Variants in RTTN observed in about 807,000 individuals in gnomAD.
RTTN encodes the protein rotatin.
RTTN carries 182 observed loss-of-function variants against 269.2 expected under a neutral mutation model. That is an observed-to-expected ratio of 0.68 (90% CI 0.60 to 0.76). RTTN has a LOEUF of 0.76. Among genes scored for constraint, RTTN ranks in the 30% least tolerant of loss-of-function variants. The pLI, the probability that RTTN is intolerant of heterozygous loss-of-function variation, is 0.00. For missense variants in RTTN, 2,545 were observed against 2,608.6 expected (o/e 0.98, Z 0.53); for synonymous variants, 1,006 against 963.5 (o/e 1.04, Z -0.82).
intron 10 of RTTN, among the ~76,000 whole-genome samples, chr18:70,177,950 G>A (rs2061341299): frequency 6.6e-6 from 1 of 152,150 alleles, no homozygotes; most frequent in African/African-American, 2.4e-5. Flanking sequence ...CAAAAGAACT[G>A]AAAGCAGGGT....
intron 17 of RTTN, 112 bp downstream of exon 17, chr18:70,148,789 T>A: frequency 7.7e-7 from 1 of 1,305,792 alleles, no homozygotes; most frequent in South Asian, 1.3e-5. Context: ...AGTAATGGAA[T>A]AACACCCTCC....
At chr18:70,087,869 C>T in intron 31 of RTTN, 120 bp downstream of exon 31, 1 of 1,026,208 alleles carries the variant, frequency 9.7e-7, no homozygotes, top group Non-Finnish European at 1.4e-6. Flanking sequence ...TTTGGGTGTT[C>T]ACAGACAGAA....
chr18:70,041,116 G>C (rs1202763827), intron 40 of RTTN, among the ~76,000 whole-genome samples: 1 of 152,120 alleles, frequency 6.6e-6, no homozygotes, highest in Non-Finnish European at 1.5e-5. Context: ...CTTGAGGCAG[G>C]AGAATCACTT....
chr18:70,066,403 AATT>A (rs1342777627), intron 34 of RTTN, among the ~76,000 whole-genome samples: 1 of 152,242 alleles, frequency 6.6e-6, no homozygotes, highest in Non-Finnish European at 1.5e-5. Context: ...AACACTAAAA[AATT>A]GTGCCAGTTT....
chr18:70,135,078 G>A lies in RTTN; in HGVS notation c.2885+106C>T, dbSNP rs2060091581. On this transcript the variant is annotated intron_variant, in intron 22 of 48. Transcript: ENST00000640769. ...ATACCACATATGTGTAGCATGGACAGCATAAGCTTCGTAAATCAGAAATTT... is the reference window on the plus strand; with the variant it reads ...ATACCACATATGTGTAGCATGGACAACATAAGCTTCGTAAATCAGAAATTT... The A allele has an allele frequency of 8.0e-6, 5 of 627,362 alleles. No homozygotes were observed. In the South Asian group the frequency reaches 1.0e-4, roughly 13 times the overall value. 38.9% of individuals were successfully genotyped at this position (627,362 alleles called of 1,614,324 possible).
Position 70,020,701 on chromosome 18 carries a change from G to C in RTTN, c.6067C>G (p.Leu2023Val), listed in dbSNP as rs971359981. 11 of 1,614,064 alleles carry C rather than the reference G, an allele frequency of 6.8e-6. No individual in the cohort carries two copies. The highest frequency in any genetic ancestry group is 3.3e-5 in the Admixed American group (2 of 60,008). ...CILKLASQMP[L>V]ENTTVQQMVF... ...ATCTGCTGAACCGTGGTGTTCTCCA[G>C]TGGCATCTGGGAAGCCAACTTTAGG... is the stretch of plus-strand genomic sequence containing the variant. The change falls in exon 45 of 49, where the codon CTG becomes GTG. Residue 2023 changes from leucine to valine, a missense_variant. Leu to Val is a conservative substitution (Grantham distance 32). Transcript: ENST00000640769.
Position 70,059,991 on chromosome 18 carries a change from G to A in RTTN, c.4799C>T (p.Ala1600Val), listed in dbSNP as rs1172846995. ...PRPPHDSSLSAPLPKLCVFVT... is the reference protein window; with the variant it reads ...PRPPHDSSLSVPLPKLCVFVT... ...AAAAACACACAGTTTGGGCAGGGGA[G>A]CAGAAAGAGATGAATCATGAGGTGG... Residue 1600 changes from alanine to valine, a missense_variant, in exon 36 of 49, where the codon GCT becomes GTT. By Grantham distance (64) the Ala-to-Val change is moderately conservative (BLOSUM62 0). Coordinates refer to ENST00000640769, the MANE Select transcript of RTTN (RefSeq NM_173630.4). 1 of 1,613,832 alleles carries A rather than the reference G, an allele frequency of 6.2e-7. No individual in the cohort carries two copies. The highest frequency in any genetic ancestry group is 1.1e-5 in the South Asian group (1 of 91,014).
In RTTN at chr18:70,052,153, C is replaced by G. The variant is rs2144816005; in HGVS notation, c.5186-605G>C. On this transcript the variant is annotated intron_variant, in intron 38 of 48. Transcript: ENST00000640769. ...TTCTCTCCACTCAGGTAAATGGAAGCTGGAGAGCAGTCGCTGAGGACTCTC... is the reference window on the plus strand; with the variant it reads ...TTCTCTCCACTCAGGTAAATGGAAGGTGGAGAGCAGTCGCTGAGGACTCTC... 3.3e-5 allele frequency among the ~76,000 whole-genome samples: 5 copies of G among 152,256 alleles called. No individual in the cohort carries two copies. The South Asian group carries it at 1.0e-3, about 32-fold the overall frequency.
chr18:70,066,775 T>A (rs901803705), intron 34 of RTTN, among the ~76,000 whole-genome samples: 2 of 152,214 alleles, frequency 1.3e-5, no homozygotes, highest in African/African-American at 4.8e-5. Flanking sequence ...GTACATTGAT[T>A]GTGTATATAT....
chr18:70,169,380 C>G (rs1301818102), intron 11 of RTTN, among the ~76,000 whole-genome samples: 1 of 152,170 alleles, frequency 6.6e-6, no homozygotes. Context: ...TATACCTCTG[C>G]TATTGAACTA....
At chr18:70,013,496 G>C (rs2056455805) in intron 46 of RTTN, among the ~76,000 whole-genome samples, 1 of 145,828 alleles carries the variant, frequency 6.9e-6, no homozygotes, top group African/African-American at 2.8e-5. Context: ...CAAAACAAAT[G>C]TTATTGTGAA....
chr18:70,074,072 G>A, intron 33 of RTTN, 78 bp from the exon 34 acceptor site: 1 of 993,378 alleles, frequency 1.0e-6, no homozygotes, highest in Non-Finnish European at 1.5e-6. Flanking sequence ...ACGCATTACA[G>A]GAAACCAATT....
intron 32 of RTTN, among the ~76,000 whole-genome samples, chr18:70,077,287 C>T (rs1343324152): frequency 6.6e-6 from 1 of 151,840 alleles, no homozygotes; most frequent in African/African-American, 2.4e-5. Flanking sequence ...TGAATGCTTC[C>T]TCTATCAGTT....
chr18:70,039,209 A>C (rs1002152036), intron 40 of RTTN, among the ~76,000 whole-genome samples: 1 of 152,122 alleles, frequency 6.6e-6, no homozygotes, highest in Non-Finnish European at 1.5e-5. Flanking sequence ...CAAGTACAAG[A>C]AGGTTAGAGA....
Position 70,128,368 on chromosome 18 carries a change from T to C in RTTN, c.3133A>G (p.Lys1045Glu), listed in dbSNP as rs573483174. The change falls in exon 24 of 49, where the codon AAA (lysine) becomes GAA (glutamate). Residue 1045 changes from lysine (K) to glutamate (E), a missense_variant. Coordinates refer to ENST00000640769, the MANE Select transcript of RTTN (RefSeq NM_173630.4). ...NLLKQMNSET[K>E]TQEILDALKL... ...AATATAAGAGCTTACTCTTGCGTTT[T>C]AGTTTCAGAGTTCATTTGCTTCAAC... 17 of 1,611,636 alleles carry C rather than the reference T, an allele frequency of 1.1e-5. No individual in the cohort carries two copies. The highest frequency in any genetic ancestry group is 1.4e-5 in the Non-Finnish European group (16 of 1,178,464).
At chr18:70,086,841 T>C (rs997395325) in intron 31 of RTTN, among the ~76,000 whole-genome samples, 157 bp from the exon 32 acceptor site, 1 of 152,010 alleles carries the variant, frequency 6.6e-6, no homozygotes, top group African/African-American at 2.4e-5. Flanking sequence ...ATTATGAGAA[T>C]TGTCAAACTG....
intron 2 of RTTN, among the ~76,000 whole-genome samples, chr18:70,204,613 T>C (rs1235670807): frequency 2.0e-5 from 3 of 152,232 alleles, no homozygotes; most frequent in Non-Finnish European, 2.9e-5. Flanking sequence ...TAGTTTAAGA[T>C]TCCTCTACCA....
chr18:70,202,697 G>T (rs2061982882), intron 3 of RTTN, among the ~76,000 whole-genome samples: 1 of 152,200 alleles, frequency 6.6e-6, no homozygotes, highest in Admixed American at 6.5e-5. Flanking sequence ...TTAGAATCCT[G>T]CATCTGCTAC....
intron 28 of RTTN, among the ~76,000 whole-genome samples, chr18:70,099,464 T>C (rs941357913): frequency 6.6e-6 from 1 of 152,328 alleles, no homozygotes; most frequent in African/African-American, 2.4e-5. Flanking sequence ...AAGTTCTTTA[T>C]AGATTCTGGA....
Sources: allele counts gnomAD v4.1 joint callset (sites outside exome capture counted in the v4.1 genomes callset), GRCh38; gene constraint gnomAD v4.1.1; transcripts MANE v1.5; gene names NCBI Gene and HGNC (gene_info 2026-07-23, HGNC 2026-07-21).